The following UBR2 variants were observed in gnomAD, a reference collection of about 807,000 sequenced individuals.
The protein encoded by UBR2 is ubiquitin protein ligase E3 component n-recognin 2, also known as E3 ubiquitin-protein ligase UBR2.
UBR2 carries 92 observed loss-of-function variants against 247.9 expected under a neutral mutation model. The ratio of observed to expected loss-of-function variants is 0.37; its 90% CI spans 0.31 to 0.44. The LOEUF (loss-of-function observed/expected upper bound fraction) is 0.44, where lower values mean the gene tolerates loss of function less well. UBR2 is among the 20% of genes least tolerant of loss of function. The probability of loss-of-function intolerance (pLI) is 1.00; values close to 1 mark genes in which losing one functional copy is unlikely to be tolerated. For synonymous variants in UBR2, 672 were observed against 693.5 expected (o/e 0.97, Z 0.49); for missense variants, 1,613 against 2,112.6 (o/e 0.76, Z 4.64).
chr6:42,624,478 C>A (rs1562324687), intron 11 of UBR2, among the ~76,000 whole-genome samples: 1 of 152,060 alleles, frequency 6.6e-6, no homozygotes, highest in Admixed American at 6.6e-5. Flanking sequence ...CCAACAGATT[C>A]TTTCTGCCCA....
At chr6:42,663,662 T>A (rs1210622635) in intron 32 of UBR2, among the ~76,000 whole-genome samples, 1 of 152,198 alleles carries the variant, frequency 6.6e-6, no homozygotes, top group Non-Finnish European at 1.5e-5. Flanking sequence ...AAACCAAGTA[T>A]CTGGTTTATT....
chr6:42,692,275 A>AC lies in UBR2; in HGVS notation c.*1105dup, dbSNP rs1216298787. 1 of 152,066 alleles carries AC rather than the reference A, an allele frequency of 6.6e-6. No individual in the cohort carries two copies. The highest frequency in any genetic ancestry group is 1.5e-5 in the Non-Finnish European group (1 of 68,016). The allele number at this position is 152,066 out of a possible 1,614,324, so 9.4% of individuals were successfully genotyped here. A position where few individuals can be genotyped will look rare whatever the true frequency, so the allele number is the denominator to read the frequency against. Reference sequence around the variant, plus strand: ...AAGCCAAACACTGAAGAAGGTGAGAACCCACTCCCACCCAGCCAGCATTTC... The same window carrying AC: ...AAGCCAAACACTGAAGAAGGTGAGAACCCCACTCCCACCCAGCCAGCATTTC... On this transcript the variant is annotated 3_prime_UTR_variant, in exon 47 of 47. Coordinates refer to ENST00000372901, the MANE Select transcript of UBR2 (RefSeq NM_001363705.2).
At chr6:42,630,385 C>T (rs1795639075) in intron 11 of UBR2, among the ~76,000 whole-genome samples, 1 of 151,766 alleles carries the variant, frequency 6.6e-6, no homozygotes, top group Admixed American at 6.6e-5. Context: ...ATGGTTTCAC[C>T]ATGTTGGCCA....
chr6:42,607,379 G>T (rs1269266781), intron 7 of UBR2, among the ~76,000 whole-genome samples: 1 of 151,864 alleles, frequency 6.6e-6, no homozygotes, highest in Non-Finnish European at 1.5e-5. Flanking sequence ...TGTTATCCAG[G>T]CTGGTCTCAA....
intron 2 of UBR2, among the ~76,000 whole-genome samples, chr6:42,586,141 G>C (rs537341991): frequency 9.9e-5 from 15 of 151,986 alleles, no homozygotes; most frequent in Non-Finnish European, 1.9e-4. Flanking sequence ...AAACTGGGTG[G>C]ATAGCTTGAG....
At chr6:42,670,050 G>T (rs1411336299) in intron 34 of UBR2, 42 bp from the exon 35 acceptor site, 5 of 1,606,036 alleles carry the variant, frequency 3.1e-6, no homozygotes, top group Non-Finnish European at 4.3e-6. Flanking sequence ...TGATTGATAT[G>T]TGCACATTGT....
chr6:42,683,870 A>C (rs532845324), intron 43 of UBR2, among the ~76,000 whole-genome samples: 1 of 152,226 alleles, frequency 6.6e-6, no homozygotes, highest in Non-Finnish European at 1.5e-5. Context: ...TTCAAAACCC[A>C]AAGCACTTCT....
chr6:42,678,985 A>G (rs1000543994), intron 41 of UBR2, among the ~76,000 whole-genome samples: 1 of 152,262 alleles, frequency 6.6e-6, no homozygotes, highest in Non-Finnish European at 1.5e-5. Flanking sequence ...GGTTCCTCAG[A>G]TTTGAAAAGG....
intron 2 of UBR2, among the ~76,000 whole-genome samples, chr6:42,576,386 C>T (rs1227551009): frequency 6.6e-6 from 1 of 152,146 alleles, no homozygotes; most frequent in Admixed American, 6.6e-5. Context: ...TCATTTTCCT[C>T]AAAATATTTG....
chr6:42,690,766 G>A (rs755956491), intron 46 of UBR2, among the ~76,000 whole-genome samples: 13 of 151,996 alleles, frequency 8.6e-5, no homozygotes, highest in Non-Finnish European at 1.2e-4. Flanking sequence ...CTTATCCCCC[G>A]CAACCTCTAT....
Position 42,659,872 on chromosome 6 carries a change from T to G in UBR2, c.3442+17T>G. On this transcript the variant is annotated intron_variant, in intron 30 of 46. Coordinates refer to ENST00000372901, the MANE Select transcript of UBR2 (RefSeq NM_001363705.2). This position sits in a 1 kb window ranked among gnomAD's most constrained non-coding sequence, Gnocchi z 4.3. ...AAGATCCAGGTAAGTCATAGCTAGA[T>G]CCTCATCTTCCCTTTTAATAACAAC... 6.2e-7 allele frequency: 1 copy of G among 1,609,850 alleles called. No homozygotes were observed. The highest frequency in any genetic ancestry group is 8.5e-7 in the Non-Finnish European group (1 of 1,176,788).
intron 25 of UBR2, among the ~76,000 whole-genome samples, chr6:42,653,425 G>A (rs114166335): frequency 1.7e-3 from 260 of 151,874 alleles, no homozygotes; most frequent in African/African-American, 6.0e-3. Context: ...TAAGCCGTTC[G>A]TACACTATCT....
intron 2 of UBR2, among the ~76,000 whole-genome samples, chr6:42,583,992 A>ATTTTTTTT (rs199507142): frequency 8.3e-6 from 1 of 120,610 alleles, no homozygotes; most frequent in Non-Finnish European, 1.7e-5. Context: ...TCCCCATTGA[A>ATTTTTTTT]TTTTTTTTTT....
At chr6:42,666,828 A>G (rs891567787) in intron 34 of UBR2, among the ~76,000 whole-genome samples, 1 of 152,216 alleles carries the variant, frequency 6.6e-6, no homozygotes, top group African/African-American at 2.4e-5. Context: ...AAGGTATAGC[A>G]TAGATTCTGG....
chr6:42,640,383 G>GT, intron 16 of UBR2, 113 bp downstream of exon 16: 2 of 171,012 alleles, frequency 1.2e-5, no homozygotes, highest in Middle Eastern at 1.4e-3. Flanking sequence ...GAACCAGTAA[G>GT]GTGTGTGTGT....
At chr6:42,601,828 A>C (rs900725916) in intron 4 of UBR2, among the ~76,000 whole-genome samples, 7 of 150,728 alleles carry the variant, frequency 4.6e-5, no homozygotes, top group Non-Finnish European at 8.9e-5. Flanking sequence ...CTCTAGACCC[A>C]TCTGTTTTAG....
At chr6:42,672,314 T>A (rs767667238) in intron 36 of UBR2, among the ~76,000 whole-genome samples, 1 of 152,136 alleles carries the variant, frequency 6.6e-6, no homozygotes, top group East Asian at 1.9e-4. Context: ...ATTGCAGGCA[T>A]GAGCCACCAT....
intron 30 of UBR2, 152 bp downstream of exon 30, chr6:42,660,007 G>A (rs1267879031): frequency 1.1e-5 from 8 of 722,392 alleles, no homozygotes; most frequent in Non-Finnish European, 1.8e-5. Flanking sequence ...TCCCCACTTG[G>A]CAGATGTGGA....
At chr6:42,611,126 G>A (rs1469336315) in intron 7 of UBR2, among the ~76,000 whole-genome samples, 4 of 148,580 alleles carry the variant, frequency 2.7e-5, no homozygotes, top group African/African-American at 9.8e-5. Context: ...GATTACAGGT[G>A]TGAGCTACCG....
Sources: allele counts gnomAD v4.1 joint callset (sites outside exome capture counted in the v4.1 genomes callset), GRCh38; gene constraint gnomAD v4.1.1; non-coding constraint Gnocchi (gnomAD v3.1); transcripts MANE v1.5; gene names NCBI Gene and HGNC (gene_info 2026-07-23, HGNC 2026-07-21).